The following KIR3DL1 variants were observed in gnomAD, a reference collection of about 807,000 sequenced individuals.
The protein encoded by KIR3DL1 is killer cell immunoglobulin-like receptor 3DL1.
KIR3DL1 carries 50 observed loss-of-function variants against 40.3 expected under a neutral mutation model. The ratio of observed to expected loss-of-function variants is 1.24; its 90% CI spans 0.99 to 1.57. KIR3DL1 has a LOEUF of 1.57. KIR3DL1 is among the 40% of genes most tolerant of loss of function. KIR3DL1 has a pLI of 0.00. For synonymous variants in KIR3DL1, 257 were observed against 207.2 expected (o/e 1.24, Z -2.07); for missense variants, 661 against 559.9 (o/e 1.18, Z -1.82).
At chr19:54,828,437 C>T (rs1031553267) in intron 6 of KIR3DL1, among the ~76,000 whole-genome samples, 4 of 151,080 alleles carry the variant, frequency 2.6e-5, no homozygotes, top group African/African-American at 7.4e-5. Flanking sequence ...ACAGAGAATA[C>T]GTTACATAGG....
At chr19:54,824,409 G>C (rs1049573953) in intron 5 of KIR3DL1, among the ~76,000 whole-genome samples, 8 of 151,466 alleles carry the variant, frequency 5.3e-5, no homozygotes, top group Admixed American at 2.0e-4. Context: ...GGGTATGGTG[G>C]CTCACACCTG....
chr19:54,827,039 G>A (rs1569463893), intron 6 of KIR3DL1, among the ~76,000 whole-genome samples: 1 of 151,802 alleles, frequency 6.6e-6, no homozygotes, highest in African/African-American at 2.4e-5. Flanking sequence ...CTAGGAGACA[G>A]TGGAAAAGGC....
chr19:54,824,891 T>G, intron 5 of KIR3DL1, 137 bp from the exon 6 acceptor site: 2 of 931,106 alleles, frequency 2.1e-6, no homozygotes. Flanking sequence ...ACAAAAATTA[T>G]GGAGAAGAGG....
chr19:54,821,832 G>C, exon 5 of KIR3DL1: 2 of 1,602,642 alleles, frequency 1.2e-6, no homozygotes, highest in Admixed American at 1.7e-5. Flanking sequence ...TCAGACCCGA[G>C]TGACCCACTG....
In KIR3DL1 at chr19:54,821,868, G is replaced by A. The variant is rs1232488697; in HGVS notation, c.949+10G>A. 23 of 1,597,238 alleles carry A rather than the reference G, an allele frequency of 1.4e-5. No individual in the cohort carries two copies. In the South Asian group the frequency reaches 2.1e-4, roughly 15 times the overall value. On this transcript the variant is annotated intron_variant, in intron 5 of 8. Transcript: ENST00000391728. ...CTTGTTTCTGTCACAGGTGAGAAAA[G>A]CCCATATCTCTCTCATGTCCTATGA...
intron 5 of KIR3DL1, among the ~76,000 whole-genome samples, chr19:54,822,520 T>A (rs2061690874): frequency 6.7e-6 from 1 of 150,072 alleles, no homozygotes. Context: ...CCTAGCTACT[T>A]GGGAGGCTGA....
chr19:54,830,019 T>C lies in KIR3DL1; in HGVS notation c.1158+39T>C. 2.0e-6 allele frequency: 3 copies of C among 1,523,444 alleles called. 1 individual carries two copies. Among genetic ancestry groups the C allele is most frequent in the Non-Finnish European group, 2.7e-6 (3 of 1,122,408 alleles). 94.4% of individuals were successfully genotyped at this position (1,523,444 alleles called of 1,614,324 possible). A position where few individuals can be genotyped will look rare whatever the true frequency, so the allele number is the denominator to read the frequency against. On this transcript the variant is annotated intron_variant, in intron 8 of 8. Coordinates refer to ENST00000391728, the Ensembl canonical transcript of KIR3DL1. ...GGCCCAGCCTCGTGGCTAGTGTTAT[T>C]CCCAAACAGTCCTGGAAAACGTGAG...
exon 3 of KIR3DL1, chr19:54,818,558 G>C (rs1601315514): frequency 6.2e-7 from 1 of 1,611,318 alleles, no homozygotes; most frequent in South Asian, 1.1e-5. Context: ...TCCCCCACTG[G>C]GTGGTCGGCA....
intron 5 of KIR3DL1, among the ~76,000 whole-genome samples, chr19:54,822,986 G>T (rs965715164): frequency 4.7e-5 from 7 of 148,850 alleles, no homozygotes; most frequent in African/African-American, 1.8e-4. Context: ...CCTTTCCTTT[G>T]GATATAAACC....
chr19:54,819,982 C>G (rs1460092185), exon 4 of KIR3DL1: 2 of 1,611,092 alleles, frequency 1.2e-6, no homozygotes, highest in Admixed American at 1.7e-5. Context: ...GTTGTCAGCT[C>G]CCAGTGATCC....
exon 1 of KIR3DL1, chr19:54,816,489 A>C: frequency 6.2e-7 from 1 of 1,603,752 alleles, no homozygotes. Context: ...GCCTGTCTGC[A>C]CCGGCAGCAC....
In KIR3DL1 at chr19:54,817,344, A is replaced by G. The variant is rs1180202996; in HGVS notation, c.35-190A>G. Among the ~76,000 whole-genome samples, 11 of 86,966 alleles carry G rather than the reference A, an allele frequency of 1.3e-4. No homozygotes were observed. In the East Asian group the frequency reaches 3.4e-3, roughly 27 times the overall value. 57.1% of individuals were successfully genotyped at this position (86,966 alleles called of 152,430 possible). On this transcript the variant is annotated intron_variant, in intron 1 of 8. Transcript: ENST00000391728. ...GTTGTGTAGATCTAGGCCTGGAGGT[A>G]GAGATCTGGGCCTGGAGGCTCAGTC...
At chr19:54,829,230 A>G (rs4806579) in intron 6 of KIR3DL1, 131 bp from the exon 7 acceptor site, 466,549 of 690,400 alleles carry the variant, frequency 0.68, 177,448 homozygotes, top group East Asian at 0.88. Flanking sequence ...AGGAAGCTAG[A>G]TCTCCCGCCA....
At chr19:54,820,877 A>G (rs1252984993) in intron 4 of KIR3DL1, among the ~76,000 whole-genome samples, 2 of 151,294 alleles carry the variant, frequency 1.3e-5, no homozygotes, top group Non-Finnish European at 2.9e-5. Flanking sequence ...AGGCAGAGAA[A>G]GACAAGGAGA....
In KIR3DL1 at chr19:54,829,942, G is replaced by A. The variant is rs765254208; in HGVS notation, c.1120G>A (p.Asp374Asn). 5 of 1,526,524 alleles carry A rather than the reference G, an allele frequency of 3.3e-6. 2 individuals carry two copies. In the South Asian group the frequency reaches 3.8e-5, roughly 11 times the overall value. The allele number at this position is 1,526,524 out of a possible 1,614,324, so 94.6% of individuals were successfully genotyped here. A position where few individuals can be genotyped will look rare whatever the true frequency, so the allele number is the denominator to read the frequency against. ...GTCTCCTACAGATGCTGCTGTAATG[G>A]ACCAAGAGCCTGCAGGGAACAGAAC... Residue 374 changes from aspartate to asparagine, a missense_variant, in exon 8 of 9, where the codon GAC becomes AAC. Physicochemically the swap from Asp to Asn is conservative, Grantham distance 23. Transcript: ENST00000391728.
intron 6 of KIR3DL1, among the ~76,000 whole-genome samples, chr19:54,828,768 G>T (rs1388932065): frequency 7.0e-6 from 1 of 142,754 alleles, no homozygotes. Context: ...CTTGAGCCTG[G>T]GTAACTTCTA....
At chr19:54,829,790 A>G in intron 7 of KIR3DL1, 138 bp from the exon 8 acceptor site, 1 of 803,802 alleles carries the variant, frequency 1.2e-6, no homozygotes, top group South Asian at 1.8e-5. Context: ...GCTCAGAGAG[A>G]TAGAATGTCT....
intron 5 of KIR3DL1, among the ~76,000 whole-genome samples, chr19:54,823,289 G>A (rs1317174508): frequency 2.0e-5 from 3 of 150,944 alleles, no homozygotes; most frequent in Admixed American, 6.6e-5. Context: ...TGCCTGCCTC[G>A]GTTTCCCAAA....
chr19:54,825,648 G>A (rs1423539643), intron 6 of KIR3DL1, among the ~76,000 whole-genome samples: 1 of 150,192 alleles, frequency 6.7e-6, no homozygotes, highest in Non-Finnish European at 1.5e-5. Flanking sequence ...CACAAGATTC[G>A]TGGGTGAAAA....
Sources: allele counts gnomAD v4.1 joint callset (sites outside exome capture counted in the v4.1 genomes callset), GRCh38; gene constraint gnomAD v4.1.1; transcripts MANE v1.5; gene names NCBI Gene and HGNC (gene_info 2026-07-23, HGNC 2026-07-21).